The following NRXN1 variants were observed in gnomAD, a reference collection of about 807,000 sequenced individuals.
NRXN1 encodes the protein neurexin 1.
A neutral mutation model predicts 150.9 loss-of-function variants in NRXN1; 39 were observed. That is an observed-to-expected ratio of 0.26 (90% CI 0.20 to 0.34). The LOEUF (loss-of-function observed/expected upper bound fraction) is 0.34. Ranked by LOEUF, NRXN1 falls within the 10% of genes least tolerant of loss-of-function variation. NRXN1 has a pLI of 1.00. For synonymous variants in NRXN1, 924 were observed against 757.0 expected (o/e 1.22, Z -3.62); for missense variants, 1,815 against 1,949.9 (o/e 0.93, Z 1.30).
intron 10 of NRXN1, among the ~76,000 whole-genome samples, chr2:50,536,547 T>G (rs1227211962): frequency 1.3e-5 from 2 of 152,326 alleles, no homozygotes; most frequent in South Asian, 2.1e-4. Context: ...ACACCACGCA[T>G]AGTTAACAGA....
chr2:49,951,251 A>G (rs1351765204), intron 21 of NRXN1, among the ~76,000 whole-genome samples: 1 of 152,020 alleles, frequency 6.6e-6, no homozygotes, highest in East Asian at 1.9e-4. Context: ...AAAAAATAAC[A>G]TATTTTAGCA....
At chr2:50,555,455 T>A (rs550779979) in intron 8 of NRXN1, among the ~76,000 whole-genome samples, 1 of 152,142 alleles carries the variant, frequency 6.6e-6, no homozygotes, top group South Asian at 2.1e-4. Flanking sequence ...GTAAAAAAAA[T>A]AGAAGTAGGG....
At chr2:50,684,587 G>C (rs1690944262) in intron 5 of NRXN1, among the ~76,000 whole-genome samples, 1 of 152,146 alleles carries the variant, frequency 6.6e-6, no homozygotes. Flanking sequence ...GGTGGTATCT[G>C]TCTTACTGCA....
chr2:50,437,871 T>A (rs949332235), intron 17 of NRXN1, among the ~76,000 whole-genome samples: 7 of 152,214 alleles, frequency 4.6e-5, no homozygotes, highest in African/African-American at 1.7e-4. Flanking sequence ...CTATTAAAAT[T>A]CATTTGTGAA....
chr2:50,947,631 T>G lies in NRXN1; in HGVS notation c.773-21676A>C, dbSNP rs142315171. On this transcript the variant is annotated intron_variant, in intron 2 of 22. Coordinates refer to ENST00000401669, the MANE Select transcript of NRXN1 (RefSeq NM_001330078.2). Reference sequence around the variant, plus strand: ...TATTCTAACCAGTGAATATGCTTCTTGTGATTTTTGGACCCTAGAATCCAT... The same window carrying G: ...TATTCTAACCAGTGAATATGCTTCTGGTGATTTTTGGACCCTAGAATCCAT... Among the ~76,000 whole-genome samples, 183 of 152,072 alleles carry G rather than the reference T, an allele frequency of 1.2e-3. 2 individuals carry two copies. The highest frequency in any genetic ancestry group is 4.3e-3 in the African/African-American group (179 of 41,562).
chr2:50,989,443 C>A (rs1255734332), intron 2 of NRXN1, among the ~76,000 whole-genome samples: 2 of 151,894 alleles, frequency 1.3e-5, no homozygotes, highest in African/African-American at 4.8e-5. Flanking sequence ...AAATAATTTC[C>A]AACTCTGTTC....
At chr2:50,316,278 A>G (rs536721508) in intron 17 of NRXN1, among the ~76,000 whole-genome samples, 2 of 152,128 alleles carry the variant, frequency 1.3e-5, no homozygotes, top group Non-Finnish European at 2.9e-5. Context: ...TCCAACTGAA[A>G]CCTTATGTCT....
chr2:50,421,331 C>T (rs1350999788), intron 17 of NRXN1, among the ~76,000 whole-genome samples: 1 of 151,980 alleles, frequency 6.6e-6, no homozygotes, highest in Non-Finnish European at 1.5e-5. Context: ...CTCCCTTCCC[C>T]CTTCACTTTC....
At chr2:50,181,380 C>T (rs549578576) in intron 18 of NRXN1, among the ~76,000 whole-genome samples, 1 of 151,942 alleles carries the variant, frequency 6.6e-6, no homozygotes, top group African/African-American at 2.4e-5. Flanking sequence ...AATATATGAA[C>T]ATGGTCTTAT....
At chr2:50,704,020 C>A (rs1263540761) in intron 5 of NRXN1, among the ~76,000 whole-genome samples, 1 of 152,024 alleles carries the variant, frequency 6.6e-6, no homozygotes, top group East Asian at 1.9e-4. Flanking sequence ...GTTTAACTTA[C>A]ATCACTTCTG....
intron 21 of NRXN1, among the ~76,000 whole-genome samples, chr2:49,972,394 C>A (rs1251860797): frequency 6.6e-6 from 1 of 152,042 alleles, no homozygotes; most frequent in Non-Finnish European, 1.5e-5. Flanking sequence ...CTGTAAATGG[C>A]CATCTATTAA....
intron 2 of NRXN1, among the ~76,000 whole-genome samples, chr2:50,953,228 A>T (rs1010219217): frequency 7.2e-5 from 11 of 152,188 alleles, no homozygotes; most frequent in Admixed American, 7.2e-4. Flanking sequence ...TATTATTGTA[A>T]CCTTAGGCAA....
At chr2:50,678,917 G>C (rs1281535110) in intron 5 of NRXN1, among the ~76,000 whole-genome samples, 1 of 152,000 alleles carries the variant, frequency 6.6e-6, no homozygotes, top group Non-Finnish European at 1.5e-5. Context: ...GACTCAAAAG[G>C]GAATTTATGA....
chr2:50,828,331 C>T (rs1432800977), intron 5 of NRXN1, among the ~76,000 whole-genome samples: 6 of 150,946 alleles, frequency 4.0e-5, no homozygotes, highest in Non-Finnish European at 7.4e-5. Context: ...CTGAACCCCC[C>T]GCCTCCCTCC....
chr2:50,280,715 C>T (rs979637857), intron 17 of NRXN1, among the ~76,000 whole-genome samples: 4 of 152,128 alleles, frequency 2.6e-5, no homozygotes, highest in African/African-American at 2.4e-5. Flanking sequence ...CAGGCTCTGA[C>T]GGCGCTCTAA....
rs1478736717 is a variant in NRXN1, at chr2:50,352,776, T to TAATATA, written c.3364+112665_3364+112666insTATATT. Reference sequence around the variant, plus strand: ...TTGATAATAATAATAATAATAATAATATTATAATAATAATAATAATAATAA... The same window carrying TAATATA: ...TTGATAATAATAATAATAATAATAATAATATAATTATAATAATAATAATAATAATAA... On this transcript the variant is annotated intron_variant, in intron 17 of 22. Transcript: ENST00000401669. Among the ~76,000 whole-genome samples, 687 of 84,006 alleles carry TAATATA rather than the reference T, an allele frequency of 8.2e-3. 3 individuals are homozygous for TAATATA. The highest frequency in any genetic ancestry group is 0.027 in the South Asian group (57 of 2,086). 55.1% of individuals were successfully genotyped at this position (84,006 alleles called of 152,430 possible). A position where few individuals can be genotyped will look rare whatever the true frequency, so the allele number is the denominator to read the frequency against.
intron 11 of NRXN1, 60 bp from the exon 12 acceptor site, chr2:50,528,711 C>T (rs2093023058): frequency 2.8e-6 from 3 of 1,090,354 alleles, no homozygotes; most frequent in South Asian, 1.4e-5. Flanking sequence ...TAGCTGCAGA[C>T]ATCCAATAAA....
At chr2:50,265,942 T>C (rs1416490089) in intron 17 of NRXN1, among the ~76,000 whole-genome samples, 2 of 150,382 alleles carry the variant, frequency 1.3e-5, no homozygotes, top group Non-Finnish European at 3.0e-5. Flanking sequence ...TGAGGACCAA[T>C]TTTTTATTTT....
At chr2:50,977,025 C>T (rs1187837192) in intron 2 of NRXN1, among the ~76,000 whole-genome samples, 1 of 151,940 alleles carries the variant, frequency 6.6e-6, no homozygotes, top group Non-Finnish European at 1.5e-5. Flanking sequence ...AGAATTAGCA[C>T]TTCTTAATTA....
Sources: allele counts gnomAD v4.1 joint callset (sites outside exome capture counted in the v4.1 genomes callset), GRCh38; gene constraint gnomAD v4.1.1; transcripts MANE v1.5; gene names NCBI Gene and HGNC (gene_info 2026-07-23, HGNC 2026-07-21).